The following HPSE2 variants were observed in gnomAD, a reference collection of about 807,000 sequenced individuals.
The protein encoded by HPSE2 is inactive heparanase-2.
A neutral mutation model predicts 60.5 loss-of-function variants in HPSE2; 38 were observed. The observed-to-expected ratio is 0.63, with a 90% CI of 0.48 to 0.82. HPSE2 has a LOEUF of 0.82. HPSE2 is among the 40% of genes least tolerant of loss of function. The probability of loss-of-function intolerance (pLI) is 0.00; values close to 1 mark genes in which losing one functional copy is unlikely to be tolerated. For synonymous variants in HPSE2, 295 were observed against 293.2 expected, an observed-to-expected ratio of 1.01 and a Z score of -0.06; for missense variants, 713 against 740.4, an observed-to-expected ratio of 0.96 and a Z score of 0.43.
chr10:99,133,546 G>A (rs1564834356), intron 3 of HPSE2, among the ~76,000 whole-genome samples: 1 of 152,184 alleles, frequency 6.6e-6, no homozygotes, highest in Non-Finnish European at 1.5e-5. Flanking sequence ...GGAAAGATCA[G>A]ACAGCAATCT....
At chr10:98,943,397 C>G (rs994950716) in intron 3 of HPSE2, among the ~76,000 whole-genome samples, 2 of 151,808 alleles carry the variant, frequency 1.3e-5, no homozygotes, top group Non-Finnish European at 2.9e-5. Flanking sequence ...ATTAAAATAG[C>G]TTTTAAAATA....
At chr10:99,291,582 G>GAAAAAAAAAAAAAAAAAAAAAAA in the HPSE2 span, among the ~76,000 whole-genome samples, 2 of 115,804 alleles carry the variant, frequency 1.7e-5, no homozygotes, top group South Asian at 6.0e-4. Flanking sequence ...GACTCCATCT[G>GAAAAAAAAAAAAAAAAAAAAAAA]AAAAAAAAAA....
intron 3 of HPSE2, among the ~76,000 whole-genome samples, chr10:99,091,866 A>G (rs891240188): frequency 6.6e-6 from 1 of 152,144 alleles, no homozygotes; most frequent in Non-Finnish European, 1.5e-5. Context: ...CTTAAAATTC[A>G]CTACGGATTT....
intron 3 of HPSE2, among the ~76,000 whole-genome samples, chr10:98,824,618 T>C (rs1386839807): frequency 5.3e-5 from 8 of 152,234 alleles, no homozygotes. Flanking sequence ...TATGGTTCTA[T>C]AACCTGGAGA....
chr10:98,690,277 A>G (rs1948041404), intron 6 of HPSE2, among the ~76,000 whole-genome samples: 1 of 152,216 alleles, frequency 6.6e-6, no homozygotes, highest in South Asian at 2.1e-4. Flanking sequence ...GTGGTGGCTC[A>G]TGCCTGTAAT....
At chr10:98,561,165 G>GTTTTT (rs141881144) in intron 9 of HPSE2, among the ~76,000 whole-genome samples, 1 of 145,066 alleles carries the variant, frequency 6.9e-6, no homozygotes, top group Non-Finnish European at 1.5e-5. Flanking sequence ...TTTTTTTTTT[G>GTTTTT]TTCTTTTTTT....
the HPSE2 span, among the ~76,000 whole-genome samples, chr10:99,253,225 C>T: frequency 3.3e-5 from 5 of 152,156 alleles, no homozygotes; most frequent in Non-Finnish European, 7.4e-5. Context: ...TAACTAACTT[C>T]AAACCATACT....
At chr10:98,662,682 C>T (rs1307578207) in intron 6 of HPSE2, among the ~76,000 whole-genome samples, 4 of 152,152 alleles carry the variant, frequency 2.6e-5, no homozygotes, top group Admixed American at 2.6e-4. Flanking sequence ...CAAACCTGCA[C>T]ATGTACCACT....
intron 3 of HPSE2, among the ~76,000 whole-genome samples, chr10:99,043,757 G>A (rs1027171032): frequency 6.6e-6 from 1 of 152,022 alleles, no homozygotes; most frequent in African/African-American, 2.4e-5. Flanking sequence ...AGACCAAACT[G>A]AGGAAAGAAT....
intron 9 of HPSE2, among the ~76,000 whole-genome samples, chr10:98,498,115 A>C (rs568346085): frequency 6.6e-6 from 1 of 152,288 alleles, no homozygotes; most frequent in East Asian, 1.9e-4. Context: ...ACTAGATTGC[A>C]GCTCCAACTC....
At chr10:98,591,559 A>G (rs754921640) in intron 9 of HPSE2, among the ~76,000 whole-genome samples, 2 of 152,090 alleles carry the variant, frequency 1.3e-5, no homozygotes, top group African/African-American at 2.4e-5. Context: ...GCTACTTGGG[A>G]GTTGAGGCAC....
intron 3 of HPSE2, among the ~76,000 whole-genome samples, chr10:98,774,076 A>G (rs1207749158): frequency 1.3e-5 from 2 of 152,152 alleles, no homozygotes; most frequent in African/African-American, 4.8e-5. Flanking sequence ...AAAAAGGATA[A>G]AAATCAACAT....
At chr10:99,130,163 CAGG>C (rs1845327992) in intron 3 of HPSE2, among the ~76,000 whole-genome samples, 2 of 151,790 alleles carry the variant, frequency 1.3e-5, no homozygotes, top group Admixed American at 6.6e-5. Context: ...AAAAAAAGTC[CAGG>C]AGAAGATGGA....
At chr10:98,770,138 G>T (rs950886716) in intron 3 of HPSE2, among the ~76,000 whole-genome samples, 2 of 152,106 alleles carry the variant, frequency 1.3e-5, no homozygotes, top group African/African-American at 4.8e-5. Context: ...ATTTTGTTGT[G>T]TTCCAAAGAC....
chr10:98,512,319 C>T (rs981165494), intron 9 of HPSE2, among the ~76,000 whole-genome samples: 17 of 152,224 alleles, frequency 1.1e-4, no homozygotes, highest in Admixed American at 5.2e-4. Flanking sequence ...CAGTGGCTCA[C>T]GCCTGTAATC....
intron 9 of HPSE2, among the ~76,000 whole-genome samples, chr10:98,568,897 C>G (rs1043809459): frequency 1.2e-5 from 1 of 80,316 alleles, no homozygotes; most frequent in Admixed American, 1.7e-4. Context: ...AAGACTACTG[C>G]TAACGGGTTT....
intron 7 of HPSE2, among the ~76,000 whole-genome samples, chr10:98,625,124 C>T (rs886609371): frequency 6.6e-6 from 1 of 152,246 alleles, no homozygotes; most frequent in Non-Finnish European, 1.5e-5. Context: ...GAAGTTAATG[C>T]AATTCCATAC....
chr10:98,624,396 G>A (rs1946152708), intron 7 of HPSE2, among the ~76,000 whole-genome samples: 1 of 152,076 alleles, frequency 6.6e-6, no homozygotes. Flanking sequence ...GACCTCAGGT[G>A]GAAATAGGTC....
rs756523967 is a variant in HPSE2, at chr10:99,235,548, C to A, written c.255G>T (p.Pro85=). The A allele has an allele frequency of 6.2e-7, 1 of 1,614,028 alleles. No individual in the cohort carries two copies. The part of the protein sequence containing the change: ...NENFLSLQLD[P]SIIHDGWLDF... ...CGAGCCAGCCATCATGAATGATGGACGGATCCAGCTGCAGAGAGAGGAAGT... is the reference window on the plus strand; with the variant it reads ...CGAGCCAGCCATCATGAATGATGGAAGGATCCAGCTGCAGAGAGAGGAAGT... Residue 85 remains proline (P), a synonymous_variant, in exon 1 of 12, where the codon CCG becomes CCT. Coordinates refer to ENST00000370552, the MANE Select transcript of HPSE2 (RefSeq NM_021828.5).
Sources: gnomAD v4.1 joint callset for allele counts (sites outside exome capture counted in the v4.1 genomes callset) on GRCh38, gnomAD v4.1.1 for gene constraint, MANE v1.5 for transcripts, NCBI Gene and HGNC (gene_info 2026-07-23, HGNC 2026-07-21) for gene names.